SLC8A3: variants seen among roughly 807,000 people sequenced by gnomAD.
SLC8A3 encodes the protein solute carrier family 8 member A3.
SLC8A3 carries 37 observed loss-of-function variants against 65.4 expected under a neutral mutation model. The ratio of observed to expected loss-of-function variants is 0.57; its 90% confidence interval spans 0.44 to 0.74. The LOEUF (loss-of-function observed/expected upper bound fraction) is 0.74, where lower values mean the gene tolerates loss of function less well. Ranked by LOEUF, SLC8A3 falls within the 30% of genes least tolerant of loss-of-function variation. The pLI is 0.00. For synonymous variants in SLC8A3, 461 were observed against 444.5 expected, an observed-to-expected ratio of 1.04 and a Z score of -0.47; for missense variants, 1,112 against 1,172.1, an observed-to-expected ratio of 0.95 and a Z score of 0.75.
chr14:70,068,323 A>G (rs1308791525), intron 2 of SLC8A3, among the ~76,000 whole-genome samples: 2 of 152,200 alleles, frequency 1.3e-5, no homozygotes, highest in African/African-American at 4.8e-5. Context: ...GATAATATAT[A>G]TGCTTACATT....
chr14:70,158,486 G>A (rs1896706552), intron 2 of SLC8A3, among the ~76,000 whole-genome samples: 1 of 152,114 alleles, frequency 6.6e-6, no homozygotes, highest in African/African-American at 2.4e-5. Context: ...AGCCATATTT[G>A]GAATATTAAG....
intron 2 of SLC8A3, among the ~76,000 whole-genome samples, chr14:70,114,613 T>C (rs1893535544): frequency 6.6e-6 from 1 of 152,176 alleles, no homozygotes; most frequent in South Asian, 2.1e-4. Flanking sequence ...CCCCCATCCC[T>C]GCCCTCCTCT....
chr14:70,173,382 C>A (rs17107921), intron 1 of SLC8A3, among the ~76,000 whole-genome samples: 3 of 152,166 alleles, frequency 2.0e-5, no homozygotes, highest in Admixed American at 6.5e-5. Context: ...AGCCCCGAGC[C>A]TCTCATCCCT....
intron 2 of SLC8A3, chr14:70,080,179 C>T (rs1050650679): frequency 2.1e-5 from 21 of 985,188 alleles, no homozygotes; most frequent in Non-Finnish European, 2.3e-5. Flanking sequence ...CCTAGGTTTT[C>T]GGCTCCATGC....
At chr14:70,166,484 C>T (rs1897165432) in intron 2 of SLC8A3, among the ~76,000 whole-genome samples, 155 bp downstream of exon 2, 1 of 152,194 alleles carries the variant, frequency 6.6e-6, no homozygotes, top group African/African-American at 2.4e-5. Flanking sequence ...CAGAACCTGT[C>T]CAGTGGTGTC....
At chr14:70,117,346 C>G (rs540049889) in intron 2 of SLC8A3, among the ~76,000 whole-genome samples, 1 of 152,350 alleles carries the variant, frequency 6.6e-6, no homozygotes, top group Admixed American at 6.5e-5. Flanking sequence ...CTCCTCATGG[C>G]CCAGGATCCA....
chr14:70,116,321 CTG>C (rs55890014), intron 2 of SLC8A3, among the ~76,000 whole-genome samples: 16,975 of 147,618 alleles, frequency 0.11, 1,110 homozygotes, highest in Non-Finnish European at 0.14. Flanking sequence ...ATTGAGAACA[CTG>C]TGTGTGTGTG....
At chr14:70,092,955 G>T (rs562445298) in intron 2 of SLC8A3, among the ~76,000 whole-genome samples, 1 of 152,262 alleles carries the variant, frequency 6.6e-6, no homozygotes, top group Non-Finnish European at 1.5e-5. Flanking sequence ...ACCTCCAGTA[G>T]CTGACTCAGA....
chr14:70,051,898 T>G, intron 4 of SLC8A3, 92 bp downstream of exon 4: 1 of 1,030,206 alleles, frequency 9.7e-7, no homozygotes, highest in East Asian at 2.6e-5. Context: ...ACTTCACATA[T>G]TCACTAGTGA....
chr14:70,135,249 G>A (rs1174076164), intron 2 of SLC8A3, among the ~76,000 whole-genome samples: 1 of 152,174 alleles, frequency 6.6e-6, no homozygotes, highest in African/African-American at 2.4e-5. Context: ...AACAAATTCT[G>A]GCAAGGATGT....
chr14:70,088,239 G>C (rs1376524893), intron 2 of SLC8A3, among the ~76,000 whole-genome samples: 1 of 152,234 alleles, frequency 6.6e-6, no homozygotes, highest in Admixed American at 6.5e-5. Flanking sequence ...ATATACATCT[G>C]TTTGGTGTTG....
rs79387934 is a variant in SLC8A3 at position 70,104,789 on chromosome 14, A to G, written c.1785-43850T>C. Among the ~76,000 whole-genome samples, 453 of 152,336 alleles carry G rather than the reference A, an allele frequency of 3.0e-3. 1 individual carries two copies. The highest frequency in any genetic ancestry group is 5.4e-3 in the Non-Finnish European group (369 of 68,020). On this transcript the variant is annotated intron_variant, in intron 2 of 6. Coordinates refer to ENST00000356921, the MANE Select transcript of SLC8A3 (RefSeq NM_182932.3). ...AAGACAATATCAAAATTTGTGAGAT[A>G]CAGCTAAGGCAGTGCTTAAAGGGAA...
At chr14:70,052,902 G>A (rs1887664835) in intron 3 of SLC8A3, among the ~76,000 whole-genome samples, 2 of 152,210 alleles carry the variant, frequency 1.3e-5, no homozygotes, top group Non-Finnish European at 2.9e-5. Flanking sequence ...GACAAAATGG[G>A]TCAGAGGCCA....
Position 70,145,179 on chromosome 14 carries a change from A to G in SLC8A3, c.1784+21460T>C, listed in dbSNP as rs1046101861. Among the ~76,000 whole-genome samples, 8 of 152,330 alleles carry G rather than the reference A, an allele frequency of 5.3e-5. No individual in the cohort carries two copies. In the South Asian group the frequency reaches 8.3e-4, roughly 16 times the overall value. Reference sequence around the variant, plus strand: ...CATATGAGGCATGAAAATTTATTGGATTAAACCCTCTTTCAATTTCTTTTT... The same window carrying G: ...CATATGAGGCATGAAAATTTATTGGGTTAAACCCTCTTTCAATTTCTTTTT... On this transcript the variant is annotated intron_variant, in intron 2 of 6. Coordinates refer to ENST00000356921, the MANE Select transcript of SLC8A3 (RefSeq NM_182932.3).
At chr14:70,085,677 ATATT>A (rs1364573851) in intron 2 of SLC8A3, among the ~76,000 whole-genome samples, 1 of 152,230 alleles carries the variant, frequency 6.6e-6, no homozygotes, top group Non-Finnish European at 1.5e-5. Context: ...ATGTAAGCAG[ATATT>A]TATACTGTAG....
At chr14:70,128,357 G>A (rs1894616087) in intron 2 of SLC8A3, among the ~76,000 whole-genome samples, 1 of 152,094 alleles carries the variant, frequency 6.6e-6, no homozygotes, top group African/African-American at 2.4e-5. Flanking sequence ...TGCCTATAAT[G>A]TCTACACCTT....
At chr14:70,056,959 C>G (rs1472267358) in intron 3 of SLC8A3, among the ~76,000 whole-genome samples, 1 of 152,140 alleles carries the variant, frequency 6.6e-6, no homozygotes. Flanking sequence ...CTCCTTGGCT[C>G]TCAGATAAAG....
Position 70,111,052 on chromosome 14 carries a change from C to T in SLC8A3, c.1785-50113G>A, listed in dbSNP as rs148574481. On this transcript the variant is annotated intron_variant, in intron 2 of 6. Transcript: ENST00000356921. ...CCAGCAGTGGGATTGGTGGATCACACGGTAGCTCAATTTTTAGTTTTTTGA... is the reference window on the plus strand; with the variant it reads ...CCAGCAGTGGGATTGGTGGATCACATGGTAGCTCAATTTTTAGTTTTTTGA... Among the ~76,000 whole-genome samples, 572 of 152,250 alleles carry T rather than the reference C, an allele frequency of 3.8e-3. 3 individuals are homozygous for T. Among genetic ancestry groups the T allele is most frequent in the African/African-American group, 0.013 (533 of 41,538 alleles).
intron 2 of SLC8A3, among the ~76,000 whole-genome samples, chr14:70,091,449 T>C (rs1891797925): frequency 6.6e-6 from 1 of 152,224 alleles, no homozygotes; most frequent in African/African-American, 2.4e-5. Flanking sequence ...CTTCACTTTC[T>C]TTAATATCGT....
Sources: allele counts gnomAD v4.1 joint callset (sites outside exome capture counted in the v4.1 genomes callset), GRCh38; gene constraint gnomAD v4.1.1; transcripts MANE v1.5; gene names NCBI Gene and HGNC (gene_info 2026-07-23, HGNC 2026-07-21).